ASIC2: variants seen among roughly 807,000 people sequenced by gnomAD.
ASIC2 encodes the protein acid sensing ion channel subunit 2, also known as acid-sensing ion channel 2.
In ASIC2, 25 loss-of-function variants were observed where a neutral mutation model predicts 57.3. The observed-to-expected ratio is 0.44, with a 90% CI of 0.32 to 0.61. ASIC2 has a LOEUF of 0.61. Ranked by LOEUF, ASIC2 falls within the 20% of genes least tolerant of loss-of-function variation. The pLI is 0.06. For synonymous variants in ASIC2, 319 were observed against 307.5 expected, an observed-to-expected ratio of 1.04 and a Z score of -0.39; for missense variants, 641 against 738.1, an observed-to-expected ratio of 0.87 and a Z score of 1.52.
chr17:33,746,317 CATATAT>C (rs1401695846), intron 1 of ASIC2, among the ~76,000 whole-genome samples: 1 of 147,514 alleles, frequency 6.8e-6, no homozygotes, highest in Non-Finnish European at 1.5e-5. Flanking sequence ...TACATGTACA[CATATAT>C]ACATATATGT....
intron 1 of ASIC2, among the ~76,000 whole-genome samples, chr17:33,316,856 T>C (rs1211843142): frequency 1.3e-5 from 2 of 152,216 alleles, no homozygotes; most frequent in African/African-American, 2.4e-5. Context: ...AAATCCACTT[T>C]GGAGATTTTC....
chr17:34,028,240 C>A (rs1207312112), intron 1 of ASIC2, among the ~76,000 whole-genome samples: 1 of 152,126 alleles, frequency 6.6e-6, no homozygotes, highest in Non-Finnish European at 1.5e-5. Context: ...AAATGCATAA[C>A]CCACTTCACC....
intron 1 of ASIC2, among the ~76,000 whole-genome samples, chr17:33,155,280 GT>G (rs1904955302): frequency 6.6e-6 from 1 of 152,248 alleles, no homozygotes. Context: ...CAAGCGCCGG[GT>G]GGGCGCACTG....
chr17:33,161,344 C>G (rs1391411088), intron 1 of ASIC2, among the ~76,000 whole-genome samples: 1 of 152,202 alleles, frequency 6.6e-6, no homozygotes, highest in Non-Finnish European at 1.5e-5. Flanking sequence ...GTTCCCACTA[C>G]AGAGCCTTTG....
chr17:33,914,832 C>T (rs1466601382), intron 1 of ASIC2, among the ~76,000 whole-genome samples: 4 of 152,202 alleles, frequency 2.6e-5, no homozygotes, highest in Non-Finnish European at 4.4e-5. Context: ...TGGCTCAGGG[C>T]CATGAGTAGA....
intron 1 of ASIC2, among the ~76,000 whole-genome samples, chr17:33,768,148 A>C (rs1296673300): frequency 6.6e-6 from 1 of 151,944 alleles, no homozygotes; most frequent in Non-Finnish European, 1.5e-5. Context: ...AGCTGGGACT[A>C]CGGGCGCCTG....
intron 1 of ASIC2, among the ~76,000 whole-genome samples, chr17:33,784,819 G>C (rs1911555308): frequency 6.6e-6 from 1 of 152,136 alleles, no homozygotes; most frequent in Admixed American, 6.5e-5. Flanking sequence ...AGAAAGCTGG[G>C]GTCAGACATG....
At chr17:33,551,328 G>T (rs1288072663) in intron 1 of ASIC2, among the ~76,000 whole-genome samples, 1 of 152,028 alleles carries the variant, frequency 6.6e-6, no homozygotes, top group Non-Finnish European at 1.5e-5. Flanking sequence ...GCTAGATGAG[G>T]TTGCAGCCAG....
chr17:33,827,059 T>C (rs1411210641), intron 1 of ASIC2, among the ~76,000 whole-genome samples: 1 of 152,160 alleles, frequency 6.6e-6, no homozygotes, highest in Non-Finnish European at 1.5e-5. Context: ...TTCTTCTGTA[T>C]GTTAGAAATA....
At chr17:33,450,710 G>C (rs910587663) in intron 1 of ASIC2, among the ~76,000 whole-genome samples, 2 of 152,190 alleles carry the variant, frequency 1.3e-5, no homozygotes, top group South Asian at 2.1e-4. Context: ...TGCACAGAAA[G>C]AGACTGCCTC....
intron 1 of ASIC2, among the ~76,000 whole-genome samples, chr17:33,642,830 T>C (rs1308703780): frequency 6.6e-6 from 1 of 152,180 alleles, no homozygotes; most frequent in Non-Finnish European, 1.5e-5. Flanking sequence ...GCCAAGCACC[T>C]TCATTCATGC....
intron 4 of ASIC2, among the ~76,000 whole-genome samples, chr17:33,026,457 G>C (rs2091859668): frequency 6.6e-6 from 1 of 152,216 alleles, no homozygotes; most frequent in African/African-American, 2.4e-5. Context: ...AGGACACCAA[G>C]GCTAGTAGTG....
rs138541372 is a variant in ASIC2 at position 33,324,295 on chromosome 17, G to GT, written c.556-212229dup. ...GAACAAGGTTATGGACAGAGCAAGGGTTTTTTTTTCACATGGCTAAGTGTC... is the reference window on the plus strand; with the variant it reads ...GAACAAGGTTATGGACAGAGCAAGGGTTTTTTTTTTCACATGGCTAAGTGTC... On this transcript the variant is annotated intron_variant, in intron 1 of 9. Coordinates refer to the ASIC2 transcript ENST00000359872. Among the ~76,000 whole-genome samples the GT allele has an allele frequency of 5.1e-3, 769 of 151,174 alleles. 3 individuals carry two copies. Among genetic ancestry groups the GT allele is most frequent in the East Asian group, 7.6e-3 (39 of 5,132 alleles).
At chr17:33,221,889 T>G (rs1907702972) in intron 1 of ASIC2, among the ~76,000 whole-genome samples, 1 of 152,194 alleles carries the variant, frequency 6.6e-6, no homozygotes, top group Non-Finnish European at 1.5e-5. Flanking sequence ...TCATAGCTAT[T>G]GATCATTTAT....
intron 1 of ASIC2, among the ~76,000 whole-genome samples, chr17:33,269,673 TC>T (rs1567805244): frequency 3.0e-5 from 2 of 66,454 alleles, no homozygotes; most frequent in Non-Finnish European, 3.4e-5. Flanking sequence ...CTTCCTTCCT[TC>T]CCTCCCTCCC....
chr17:33,743,073 C>T (rs952590920), intron 1 of ASIC2, among the ~76,000 whole-genome samples: 3 of 152,222 alleles, frequency 2.0e-5, no homozygotes, highest in East Asian at 3.9e-4. Flanking sequence ...AGTCACAAAC[C>T]TCTCCCTGCT....
Position 33,293,154 on chromosome 17 carries a change from G to C in ASIC2, c.-1039C>G, listed in dbSNP as rs1422565207. ...CTCTCGAGACTCCGAGCTCGCGGTG[G>C]CCGTGACGCCGGCTAAGCTCCTTCC... On this transcript the variant is annotated 5_prime_UTR_variant, in exon 1 of 10. Transcript: ENST00000225823. Among the ~76,000 whole-genome samples, 1 of 152,234 alleles carries C rather than the reference G, an allele frequency of 6.6e-6. No individual in the cohort carries two copies. The highest frequency in any genetic ancestry group is 1.5e-5 in the Non-Finnish European group (1 of 68,042).
At chr17:33,879,082 T>G (rs903215553) in intron 1 of ASIC2, among the ~76,000 whole-genome samples, 11 of 152,138 alleles carry the variant, frequency 7.2e-5, no homozygotes, top group Non-Finnish European at 1.5e-4. Flanking sequence ...CCACCAGGCC[T>G]GCCCTAAAAG....
At chr17:33,724,883 C>T (rs1909497826) in intron 1 of ASIC2, among the ~76,000 whole-genome samples, 1 of 152,142 alleles carries the variant, frequency 6.6e-6, no homozygotes, top group Non-Finnish European at 1.5e-5. Flanking sequence ...CCTTCCCGTT[C>T]ATTTTTTTCT....
Sources: gnomAD v4.1 joint callset for allele counts (sites outside exome capture counted in the v4.1 genomes callset) on GRCh38, gnomAD v4.1.1 for gene constraint, MANE v1.5 for transcripts, NCBI Gene and HGNC (gene_info 2026-07-23, HGNC 2026-07-21) for gene names.